The following NSUN6 variants were observed in gnomAD, a reference collection of about 807,000 sequenced individuals.
NSUN6 encodes NOP2/Sun RNA methyltransferase 6.
A neutral mutation model predicts 58.0 loss-of-function variants in NSUN6; 64 were observed. That is an observed-to-expected ratio of 1.10 (90% confidence interval 0.90 to 1.36). The LOEUF is 1.36. Ranked by LOEUF, NSUN6 falls within the 40% of genes most tolerant of loss-of-function variation. NSUN6 has a pLI of 0.00. For synonymous variants in NSUN6, 231 were observed against 193.9 expected (o/e 1.19, Z -1.59); for missense variants, 701 against 550.1 (o/e 1.27, Z -2.74).
chr10:18,624,172 TA>T (rs1489529324), intron 3 of NSUN6, among the ~76,000 whole-genome samples: 4 of 151,586 alleles, frequency 2.6e-5, no homozygotes. Context: ...AAGATGAAAG[TA>T]AACTAGCAGC....
At chr10:18,547,877 C>T (rs1232781657) in intron 10 of NSUN6, among the ~76,000 whole-genome samples, 1 of 152,154 alleles carries the variant, frequency 6.6e-6, no homozygotes, top group Non-Finnish European at 1.5e-5. Context: ...AACAAAAACA[C>T]TCCCAAGCTC....
chr10:18,650,692 C>G (rs1315768641), intron 1 of NSUN6, among the ~76,000 whole-genome samples: 1 of 152,138 alleles, frequency 6.6e-6, no homozygotes, highest in Non-Finnish European at 1.5e-5. Context: ...GGAAAAACCT[C>G]TAAGAAAAAA....
At chr10:18,567,084 C>T (rs2130931362) in intron 8 of NSUN6, among the ~76,000 whole-genome samples, 1 of 150,266 alleles carries the variant, frequency 6.7e-6, no homozygotes, top group Non-Finnish European at 1.5e-5. Flanking sequence ...CATTCCATTC[C>T]ATTTTCCATA....
intron 8 of NSUN6, among the ~76,000 whole-genome samples, chr10:18,579,507 T>G (rs764692457): frequency 6.6e-6 from 1 of 152,138 alleles, no homozygotes; most frequent in South Asian, 2.1e-4. Context: ...TCACATAATA[T>G]ATAGTCCTGT....
At chr10:18,629,148 CAA>C (rs1285975258) in intron 3 of NSUN6, among the ~76,000 whole-genome samples, 14 of 152,106 alleles carry the variant, frequency 9.2e-5, no homozygotes, top group Non-Finnish European at 2.1e-4. Context: ...CATATCCACC[CAA>C]ACTAAGCTTC....
intron 7 of NSUN6, among the ~76,000 whole-genome samples, chr10:18,595,988 T>C (rs985195621): frequency 6.6e-6 from 1 of 152,218 alleles, no homozygotes; most frequent in African/African-American, 2.4e-5. Flanking sequence ...AAGTCTATAA[T>C]CATATAAGCA....
At chr10:18,550,728 CTTTTT>C (rs66875630) in intron 9 of NSUN6, among the ~76,000 whole-genome samples, 1 of 138,932 alleles carries the variant, frequency 7.2e-6, no homozygotes. Flanking sequence ...CAAAAAATCT[CTTTTT>C]TTTTTTTTTT....
upstream of NSUN6, chr10:18,652,316 G>C (rs1219354148): frequency 3.0e-6 from 3 of 984,106 alleles, no homozygotes; most frequent in East Asian, 2.3e-4. Flanking sequence ...AACTGTACAG[G>C]AAAGTCAAAA....
chr10:18,650,513 T>A (rs2059672521), intron 1 of NSUN6, among the ~76,000 whole-genome samples: 1 of 152,186 alleles, frequency 6.6e-6, no homozygotes. Context: ...GCCACGTAAT[T>A]TACAAAGCAC....
At chr10:18,597,627 A>T (rs4475829) in intron 6 of NSUN6, among the ~76,000 whole-genome samples, 4 of 151,982 alleles carry the variant, frequency 2.6e-5, no homozygotes, top group African/African-American at 9.7e-5. Flanking sequence ...TTAGCTGGGC[A>T]TGGTGGCACA....
chr10:18,580,548 G>T (rs1462487439), intron 8 of NSUN6, among the ~76,000 whole-genome samples: 1 of 152,142 alleles, frequency 6.6e-6, no homozygotes, highest in East Asian at 1.9e-4. Flanking sequence ...TCATAGGTGG[G>T]AAGCTCTACC....
intron 6 of NSUN6, among the ~76,000 whole-genome samples, chr10:18,601,964 C>G (rs1225064369): frequency 4.0e-5 from 6 of 150,600 alleles, no homozygotes; most frequent in Admixed American, 1.3e-4. Context: ...CAGACTAACA[C>G]TCTATCTCGG....
Position 18,649,338 on chromosome 10 carries a change from ATCT to A in NSUN6, c.76-696_76-694del, listed in dbSNP as rs370750548. Among the ~76,000 whole-genome samples the A allele has an allele frequency of 5.1e-3, 776 of 152,316 alleles. 3 individuals are homozygous for A. Among genetic ancestry groups the A allele is most frequent in the African/African-American group, 0.016 (646 of 41,554 alleles). On this transcript the variant is annotated intron_variant, in intron 1 of 10. Coordinates refer to ENST00000377304, the MANE Select transcript of NSUN6 (RefSeq NM_182543.5). ...ATTTGACTAAACCCTGCTTTACAGA[ATCT>A]TCACAAACCACTTGTTAGCCTACTC...
At chr10:18,553,469 CTGGAATGGAGAATGGAA>C (rs753262476) in intron 8 of NSUN6, among the ~76,000 whole-genome samples, 7,172 of 133,664 alleles carry the variant, frequency 0.054, 244 homozygotes, top group Non-Finnish European at 0.082. Flanking sequence ...GGAGAATGAA[CTGGAATGGAGAATGGAA>C]TGGAATGGAG....
intron 5 of NSUN6, among the ~76,000 whole-genome samples, chr10:18,613,804 A>C (rs2131342765): frequency 6.6e-6 from 1 of 152,284 alleles, no homozygotes; most frequent in East Asian, 1.9e-4. Context: ...CCAATTCTAA[A>C]GGGAGAAATT....
At chr10:18,638,947 TAAAAAAAAAA>T (rs35673571) in intron 3 of NSUN6, among the ~76,000 whole-genome samples, 1 of 107,074 alleles carries the variant, frequency 9.3e-6, no homozygotes, top group Non-Finnish European at 1.8e-5. Context: ...TTGACAATGT[TAAAAAAAAAA>T]AAAAAAAAAA....
Position 18,548,177 on chromosome 10 carries a change from C to A in NSUN6, c.1132G>T (p.Ala378Ser). ...CAGGCAACCTGTTCTTCATTTTCGG[C>A]CAGTGTTATAGTGCACGTGCTATAA... is the stretch of plus-strand genomic sequence containing the variant. ...LVYSTCTITL[A>S]ENEEQVAWAL... Residue 378 changes from alanine to serine, a missense_variant, in exon 10 of 11, where the codon GCC (alanine) becomes TCC (serine). Ala to Ser is a moderately conservative substitution (Grantham distance 99). Transcript: ENST00000377304. The A allele has an allele frequency of 1.2e-6, 2 of 1,613,738 alleles. No individual in the cohort carries two copies. The highest frequency in any genetic ancestry group is 1.7e-6 in the Non-Finnish European group (2 of 1,179,808).
intron 8 of NSUN6, among the ~76,000 whole-genome samples, chr10:18,554,317 G>A (rs987672073): frequency 2.0e-5 from 3 of 150,840 alleles, no homozygotes; most frequent in African/African-American, 7.3e-5. Flanking sequence ...AATGGAGAGT[G>A]GAATGCAATG....
intron 8 of NSUN6, among the ~76,000 whole-genome samples, chr10:18,576,926 C>G (rs2056679017): frequency 1.3e-5 from 2 of 152,252 alleles, no homozygotes; most frequent in South Asian, 4.1e-4. Flanking sequence ...AGAGAAGCCC[C>G]TTATGGGTCC....
Sources: allele counts gnomAD v4.1 joint callset (sites outside exome capture counted in the v4.1 genomes callset), GRCh38; gene constraint gnomAD v4.1.1; transcripts MANE v1.5; gene names NCBI Gene and HGNC (gene_info 2026-07-23, HGNC 2026-07-21).